Variants in SLC35F4 observed in about 807,000 individuals in gnomAD.
The protein encoded by SLC35F4 is chromosome 14 open reading frame 36.
SLC35F4 carries 24 observed loss-of-function variants against 44.2 expected under a neutral mutation model. The ratio of observed to expected loss-of-function variants is 0.54; its 90% confidence interval spans 0.39 to 0.76. SLC35F4 has a LOEUF of 0.76. SLC35F4 is among the 30% of genes least tolerant of loss of function. The pLI, the probability that SLC35F4 is intolerant of heterozygous loss-of-function variation, is 0.00. For missense variants in SLC35F4, 562 were observed against 586.1 expected, an observed-to-expected ratio of 0.96 and a Z score of 0.42; for synonymous variants, 238 against 223.6, an observed-to-expected ratio of 1.06 and a Z score of -0.57.
chr14:57,785,506 C>A (rs1444929781), intron 1 of SLC35F4, among the ~76,000 whole-genome samples: 1 of 152,140 alleles, frequency 6.6e-6, no homozygotes, highest in Non-Finnish European at 1.5e-5. Flanking sequence ...ACTGTAAGAA[C>A]AAACCAGCAA....
chr14:57,759,587 C>A (rs940536449), intron 1 of SLC35F4, among the ~76,000 whole-genome samples: 1 of 152,014 alleles, frequency 6.6e-6, no homozygotes, highest in Non-Finnish European at 1.5e-5. Context: ...AAAAAAAATT[C>A]TTTTTTAGGG....
At chr14:57,669,891 T>G (rs142287437) in intron 1 of SLC35F4, among the ~76,000 whole-genome samples, 2,966 of 152,240 alleles carry the variant, frequency 0.019, 36 homozygotes, top group Middle Eastern at 0.044. Context: ...ATTGGAATAG[T>G]TTCAGAAGGA....
intron 1 of SLC35F4, among the ~76,000 whole-genome samples, chr14:57,864,223 T>TA (rs1887928717): frequency 6.6e-6 from 1 of 152,210 alleles, no homozygotes; most frequent in Non-Finnish European, 1.5e-5. Flanking sequence ...TTCCACAAGA[T>TA]ATATTAGTTC....
chr14:57,799,296 G>C (rs1257706982), intron 1 of SLC35F4: 4 of 152,286 alleles, frequency 2.6e-5, no homozygotes, highest in African/African-American at 7.2e-5. Context: ...GCAACCCATG[G>C]ATCAGGAGAT....
intron 1 of SLC35F4, among the ~76,000 whole-genome samples, chr14:57,607,394 C>T (rs751508816): frequency 2.0e-5 from 3 of 152,172 alleles, no homozygotes; most frequent in East Asian, 1.9e-4. Flanking sequence ...TGAAACTATT[C>T]GCAAGTTTCT....
At chr14:57,917,105 C>T (rs560119164) in intron 1 of SLC35F4, among the ~76,000 whole-genome samples, 7 of 152,156 alleles carry the variant, frequency 4.6e-5, no homozygotes, top group South Asian at 2.1e-4. Context: ...CAGGCTCCCA[C>T]GCTGGAGTGC....
chr14:57,946,817 T>C (rs112162348), intron 1 of SLC35F4, among the ~76,000 whole-genome samples: 2 of 152,282 alleles, frequency 1.3e-5, no homozygotes, highest in African/African-American at 4.8e-5. Context: ...ATCCCATTTG[T>C]CTATATGCCT....
In SLC35F4 at chr14:57,753,341, T is replaced by C. The variant is rs191338730; in HGVS notation, c.103+112382A>G. Among the ~76,000 whole-genome samples the C allele has an allele frequency of 7.3e-3, 1,117 of 152,300 alleles. 10 individuals carry two copies. Among genetic ancestry groups the C allele is most frequent in the Non-Finnish European group, 0.013 (851 of 68,010 alleles). On this transcript the variant is annotated intron_variant, in intron 1 of 7. Transcript: ENST00000556826. ...CCTCTGGGTTGGATTCCCCAATACT[T>C]GGCCCAGTAAGTAGCACCTGGGCAG...
chr14:57,844,455 CAT>C (rs1326182939), intron 1 of SLC35F4, among the ~76,000 whole-genome samples: 1 of 152,190 alleles, frequency 6.6e-6, no homozygotes, highest in African/African-American at 2.4e-5. Flanking sequence ...TGATTTAAAT[CAT>C]AGCGAGAGAA....
chr14:57,760,929 T>TTC (rs1008047541), intron 1 of SLC35F4, among the ~76,000 whole-genome samples: 19 of 151,878 alleles, frequency 1.3e-4, no homozygotes, highest in African/African-American at 3.6e-4. Context: ...ATCTCTCCAT[T>TTC]TCTCTCTCTC....
At chr14:57,568,532 C>T (rs1043525522) in intron 6 of SLC35F4, among the ~76,000 whole-genome samples, 1 of 152,064 alleles carries the variant, frequency 6.6e-6, no homozygotes, top group African/African-American at 2.4e-5. Context: ...AGGTGCTAAC[C>T]ATATAATTTT....
Position 57,777,219 on chromosome 14 carries a change from T to C in SLC35F4, c.103+88504A>G, listed in dbSNP as rs796096870. Among the ~76,000 whole-genome samples, 6 of 152,342 alleles carry C rather than the reference T, an allele frequency of 3.9e-5. 1 individual carries two copies. The highest frequency in any genetic ancestry group is 1.2e-4 in the African/African-American group (5 of 41,582). On this transcript the variant is annotated intron_variant, in intron 1 of 7. Coordinates refer to ENST00000556826, the MANE Select transcript of SLC35F4 (RefSeq NM_001306087.2). ...TCAACCATTGTGGAAGACAGTGTGG[T>C]GATTCCTCAAGAATCTAGAACTAGA...
chr14:57,581,221 C>G lies in SLC35F4; in HGVS notation c.800G>C (p.Gly267Ala), dbSNP rs770704197. Residue 267 changes from glycine (G) to alanine (A), a missense_variant, in exon 4 of 8, where the codon GGA becomes GCA. Physicochemically the swap from Gly to Ala is moderately conservative, Grantham distance 60 (BLOSUM62 0). Coordinates refer to ENST00000556826, the MANE Select transcript of SLC35F4 (RefSeq NM_001306087.2). The stretch of plus-strand genomic sequence containing the variant: ...AATCAAGTATGCCATTACCCTCACT[C>G]CCATGAACCTGTCTTTCAGCACAAT... ...SWIVLKDRFM[G>A]VRIVAAIMAI... 1.3e-6 allele frequency: 2 copies of G among 1,574,242 alleles called. No homozygotes were observed. The highest frequency in any genetic ancestry group is 1.7e-6 in the Non-Finnish European group (2 of 1,161,656).
intron 4 of SLC35F4, among the ~76,000 whole-genome samples, chr14:57,578,025 A>T (rs2068921667): frequency 6.6e-6 from 1 of 152,194 alleles, no homozygotes; most frequent in Non-Finnish European, 1.5e-5. Context: ...TATTCATAAT[A>T]CATAATTCAT....
chr14:57,966,884 C>G (rs1880879950), intron 1 of SLC35F4, among the ~76,000 whole-genome samples: 1 of 152,032 alleles, frequency 6.6e-6, no homozygotes, highest in East Asian at 1.9e-4. Context: ...GTGGCACATG[C>G]CTGTAATTCC....
Position 57,564,236 on chromosome 14 carries a change from C to T in SLC35F4, c.1357G>A (p.Glu453Lys). The change falls in exon 8 of 8, where the codon GAA becomes AAA. Residue 453 changes from glutamate (E) to lysine (K), a missense_variant. By Grantham distance (56) the Glu-to-Lys change is moderately conservative. Transcript: ENST00000556826. ...ITLRFINSLK[E>K]KKSEEHVDDV... ...TCCACATGCTCCTCACTCTTCTTTT[C>T]CTTCAGGCTGTTGATGAACCTCAGG... 2 of 1,613,520 alleles carry T rather than the reference C, an allele frequency of 1.2e-6. No individual in the cohort carries two copies. The highest frequency in any genetic ancestry group is 1.7e-6 in the Non-Finnish European group (2 of 1,179,774).
intron 1 of SLC35F4, among the ~76,000 whole-genome samples, chr14:57,702,349 A>AAAT (rs1052537078): frequency 6.6e-6 from 1 of 151,388 alleles, no homozygotes; most frequent in African/African-American, 2.4e-5. Context: ...AAAAAAAAAA[A>AAAT]AGGAAAACAG....
chr14:57,861,787 T>C (rs1177104583), intron 1 of SLC35F4, among the ~76,000 whole-genome samples: 1 of 152,184 alleles, frequency 6.6e-6, no homozygotes, highest in African/African-American at 2.4e-5. Context: ...TTTCCTCCTA[T>C]CTCCCTGGAT....
intron 1 of SLC35F4, among the ~76,000 whole-genome samples, chr14:57,704,001 T>C (rs2075607689): frequency 6.6e-6 from 1 of 152,326 alleles, no homozygotes; most frequent in South Asian, 2.1e-4. Flanking sequence ...TTTCCACTAC[T>C]GCCATCCCAG....
Sources: gnomAD v4.1 joint callset for allele counts (sites outside exome capture counted in the v4.1 genomes callset) on GRCh38, gnomAD v4.1.1 for gene constraint, MANE v1.5 for transcripts, NCBI Gene and HGNC (gene_info 2026-07-23, HGNC 2026-07-21) for gene names.